The following LHFPL3 variants were observed in gnomAD, a reference collection of about 807,000 sequenced individuals.
The protein encoded by LHFPL3 is LHFPL tetraspan subfamily member 3.
Under a neutral mutation model 19.3 loss-of-function variants are expected in LHFPL3, and 5 were observed. The ratio of observed to expected loss-of-function variants is 0.26; its 90% CI spans 0.14 to 0.54. The LOEUF is 0.54. LHFPL3 is among the 20% of genes least tolerant of loss of function. LHFPL3 has a pLI of 0.94. For synonymous variants in LHFPL3, 133 were observed against 126.2 expected (o/e 1.05, Z -0.36); for missense variants, 249 against 307.4 (o/e 0.81, Z 1.42).
intron 2 of LHFPL3, among the ~76,000 whole-genome samples, chr7:104,882,477 A>C: frequency 6.6e-6 from 1 of 152,164 alleles, no homozygotes; most frequent in South Asian, 2.1e-4. Flanking sequence ...CAAACTCCTG[A>C]CCTCAGATGA....
chr7:104,705,805 G>A (rs75609478), intron 1 of LHFPL3, among the ~76,000 whole-genome samples: 10,012 of 152,104 alleles, frequency 0.066, 473 homozygotes, highest in Middle Eastern at 0.12. Context: ...CCCCACTACC[G>A]GAACTGGGAG....
chr7:104,819,101 G>T (rs1000871981), intron 2 of LHFPL3, among the ~76,000 whole-genome samples: 3 of 152,034 alleles, frequency 2.0e-5, no homozygotes, highest in African/African-American at 4.8e-5. Context: ...GTCTCAGCTT[G>T]ATTTAATATA....
intron 2 of LHFPL3, among the ~76,000 whole-genome samples, chr7:104,860,886 G>T (rs1791606891): frequency 6.6e-6 from 1 of 152,122 alleles, no homozygotes; most frequent in Non-Finnish European, 1.5e-5. Flanking sequence ...CCAGCCCCAA[G>T]GAGACAGGAG....
rs1280338124 is a variant in LHFPL3, at chr7:104,611,450, A to C, written c.446-125225A>C. ...AAATACAGCATGGCACACCTTGTGT[A>C]TTGCACAGTTTTGCCTTAGCTAACT... On this transcript the variant is annotated intron_variant, in intron 1 of 2. Coordinates refer to ENST00000424859, the MANE Select transcript of LHFPL3 (RefSeq NM_199000.3). 2.6e-5 allele frequency among the ~76,000 whole-genome samples: 4 copies of C among 152,314 alleles called. No individual in the cohort carries two copies. In the South Asian group the frequency reaches 8.3e-4, roughly 32 times the overall value.
chr7:104,534,411 A>G (rs969180612), intron 1 of LHFPL3, among the ~76,000 whole-genome samples: 7 of 152,164 alleles, frequency 4.6e-5, no homozygotes, highest in Admixed American at 1.3e-4. Context: ...TTCTACCCAC[A>G]CTTCCATCTC....
chr7:104,438,369 C>T (rs1017544173), intron 1 of LHFPL3, among the ~76,000 whole-genome samples: 1 of 152,212 alleles, frequency 6.6e-6, no homozygotes, highest in Non-Finnish European at 1.5e-5. Flanking sequence ...CCATTGGTTA[C>T]ACTTGCACAG....
chr7:104,455,395 C>G (rs1276848419), intron 1 of LHFPL3, among the ~76,000 whole-genome samples: 1 of 152,110 alleles, frequency 6.6e-6, no homozygotes, highest in African/African-American at 2.4e-5. Flanking sequence ...GCTATAAAAA[C>G]AGGGACTTAG....
At chr7:104,903,616 C>G (rs528523672) in intron 2 of LHFPL3, among the ~76,000 whole-genome samples, 48 of 152,194 alleles carry the variant, frequency 3.2e-4, no homozygotes, top group African/African-American at 1.2e-3. Flanking sequence ...CAGGTGCCTG[C>G]CACCATGCCT....
chr7:104,673,897 T>G (rs1015945478), intron 1 of LHFPL3, among the ~76,000 whole-genome samples: 1 of 152,228 alleles, frequency 6.6e-6, no homozygotes, highest in African/African-American at 2.4e-5. Context: ...ATGTGATTCT[T>G]AATGCTCATC....
chr7:104,762,157 G>C (rs936318474), intron 2 of LHFPL3, among the ~76,000 whole-genome samples: 1 of 152,190 alleles, frequency 6.6e-6, no homozygotes, highest in Non-Finnish European at 1.5e-5. Flanking sequence ...TGGCATGAGA[G>C]GGTTAACATC....
intron 1 of LHFPL3, among the ~76,000 whole-genome samples, chr7:104,536,380 T>C (rs1002413333): frequency 6.6e-6 from 1 of 152,166 alleles, no homozygotes; most frequent in Non-Finnish European, 1.5e-5. Context: ...ATTCATATAT[T>C]TACAAATGGT....
intron 1 of LHFPL3, among the ~76,000 whole-genome samples, chr7:104,721,629 G>C (rs188522811): frequency 2.6e-5 from 4 of 152,142 alleles, no homozygotes; most frequent in Admixed American, 1.3e-4. Context: ...TCCTAAGGTA[G>C]GGAAAGGAAA....
At chr7:104,616,467 C>T (rs540957199) in intron 1 of LHFPL3, among the ~76,000 whole-genome samples, 1 of 152,246 alleles carries the variant, frequency 6.6e-6, no homozygotes, top group East Asian at 1.9e-4. Flanking sequence ...CCCTTCCTTA[C>T]ACCTTATACA....
intron 1 of LHFPL3, among the ~76,000 whole-genome samples, chr7:104,629,815 C>T (rs1187469332): frequency 6.6e-6 from 1 of 152,192 alleles, no homozygotes; most frequent in Admixed American, 6.5e-5. Context: ...CACAATGTTG[C>T]AGCCACATTG....
chr7:104,586,059 C>T (rs764152006), intron 1 of LHFPL3, among the ~76,000 whole-genome samples: 3 of 151,612 alleles, frequency 2.0e-5, no homozygotes, highest in Non-Finnish European at 4.4e-5. Flanking sequence ...TTGAGAATTA[C>T]GTGAAAAATG....
intron 2 of LHFPL3, among the ~76,000 whole-genome samples, chr7:104,744,586 A>G (rs113571591): frequency 1.1e-4 from 16 of 152,162 alleles, no homozygotes; most frequent in Non-Finnish European, 2.4e-4. Flanking sequence ...TGCTGCTTCT[A>G]ATTCCTCTCC....
intron 1 of LHFPL3, among the ~76,000 whole-genome samples, chr7:104,426,364 C>T (rs1791846162): frequency 1.3e-5 from 2 of 152,164 alleles, no homozygotes; most frequent in South Asian, 4.1e-4. Context: ...TCAAGCGATT[C>T]TCCTGCCTCA....
chr7:104,668,799 A>G, intron 1 of LHFPL3: 2 of 1,578,742 alleles, frequency 1.3e-6, no homozygotes, highest in Non-Finnish European at 1.7e-6. Context: ...AGTAACTCCC[A>G]GTCCACTCGA....
At chr7:104,720,461 A>C (rs924941488) in intron 1 of LHFPL3, among the ~76,000 whole-genome samples, 2 of 152,138 alleles carry the variant, frequency 1.3e-5, no homozygotes, top group East Asian at 1.9e-4. Flanking sequence ...TAGGCAATAC[A>C]ATTCAGGACG....
Sources: gnomAD v4.1 joint callset for allele counts (sites outside exome capture counted in the v4.1 genomes callset) on GRCh38, gnomAD v4.1.1 for gene constraint, MANE v1.5 for transcripts, NCBI Gene and HGNC (gene_info 2026-07-23, HGNC 2026-07-21) for gene names.